The following INPP5F variants were observed in gnomAD, a reference collection of about 807,000 sequenced individuals.
INPP5F encodes the protein inositol polyphosphate-5-phosphatase F, also known as phosphatidylinositide 4-phosphatase SAC2.
Under a neutral mutation model 137.2 loss-of-function variants are expected in INPP5F, and 97 were observed. The ratio of observed to expected loss-of-function variants is 0.71; its 90% confidence interval spans 0.60 to 0.84. The LOEUF is 0.84. Ranked by LOEUF, INPP5F falls within the 40% of genes least tolerant of loss-of-function variation. The pLI, the probability that INPP5F is intolerant of heterozygous loss-of-function variation, is 0.00. For synonymous variants in INPP5F, 504 were observed against 476.9 expected (o/e 1.06, Z -0.74); for missense variants, 1,271 against 1,371.9 (o/e 0.93, Z 1.16).
At chr10:119,804,794 T>A (rs1850710496) in intron 10 of INPP5F, among the ~76,000 whole-genome samples, 1 of 151,950 alleles carries the variant, frequency 6.6e-6, no homozygotes, top group South Asian at 2.1e-4. Flanking sequence ...TGGTGTGATC[T>A]GGGCTCACTG....
At position 119,804,127 on chromosome 10, in the gene INPP5F, G is replaced by A. The variant is rs758754334; in HGVS notation, c.1117-46G>A. 4.3e-6 allele frequency: 6 copies of A among 1,399,898 alleles called. No individual in the cohort carries two copies. In the African/African-American group the frequency reaches 8.7e-5, roughly 20 times the overall value. 86.7% of individuals were successfully genotyped at this position (1,399,898 alleles called of 1,614,324 possible). A position where few individuals can be genotyped will look rare whatever the true frequency, so the allele number is the denominator to read the frequency against. ...CTAATTAAATTTTAAACCACATTGT[G>A]ATTCTAAAATCTAACTAAATTTTTT... On this transcript the variant is annotated intron_variant, in intron 9 of 19. Coordinates refer to ENST00000650623, the MANE Select transcript of INPP5F (RefSeq NM_014937.4).
chr10:119,773,009 A>G (rs1323928185), intron 2 of INPP5F, among the ~76,000 whole-genome samples: 1 of 151,994 alleles, frequency 6.6e-6, no homozygotes, highest in Non-Finnish European at 1.5e-5. Flanking sequence ...TGGCCTCCCA[A>G]AGTGCTGAGA....
intron 1 of INPP5F, among the ~76,000 whole-genome samples, chr10:119,745,387 C>T (rs1848500756): frequency 6.7e-6 from 1 of 149,242 alleles, no homozygotes; most frequent in Non-Finnish European, 1.5e-5. Context: ...TTTTCCATGA[C>T]CTTTCATGTC....
chr10:119,802,383 C>T (rs1056642010), intron 9 of INPP5F, among the ~76,000 whole-genome samples: 3 of 152,122 alleles, frequency 2.0e-5, no homozygotes, highest in Admixed American at 6.5e-5. Context: ...ATGTTGGAAC[C>T]GTCCTACCTC....
intron 2 of INPP5F, among the ~76,000 whole-genome samples, chr10:119,767,297 A>G (rs1294190062): frequency 6.6e-6 from 1 of 152,120 alleles, no homozygotes; most frequent in African/African-American, 2.4e-5. Context: ...CAACAATAGT[A>G]GTAACAATGG....
chr10:119,762,687 T>C (rs1274107087), intron 2 of INPP5F, among the ~76,000 whole-genome samples: 1 of 152,202 alleles, frequency 6.6e-6, no homozygotes, highest in East Asian at 1.9e-4. Context: ...TATGGAAATA[T>C]TAATACTATG....
intron 11 of INPP5F, 103 bp downstream of exon 11, chr10:119,805,564 T>G (rs962836146): frequency 2.5e-6 from 2 of 801,614 alleles, no homozygotes; most frequent in Admixed American, 2.3e-5. Flanking sequence ...CATTTTTTTT[T>G]GTTCGTTTTG....
At chr10:119,788,671 TAAAAG>T (rs1850013001) in intron 3 of INPP5F, among the ~76,000 whole-genome samples, 5 of 152,126 alleles carry the variant, frequency 3.3e-5, no homozygotes, top group Admixed American at 3.3e-4. Flanking sequence ...GGAATGGATT[TAAAAG>T]AAGATTCTCA....
chr10:119,798,912 T>C lies in INPP5F; in HGVS notation c.1116+302T>C, dbSNP rs144629893. Among the ~76,000 whole-genome samples, 1,089 of 151,542 alleles carry C rather than the reference T, an allele frequency of 7.2e-3. 3 individuals carry two copies. The highest frequency in any genetic ancestry group is 0.014 in the Middle Eastern group (4 of 290). On this transcript the variant is annotated intron_variant, in intron 9 of 19. Coordinates refer to ENST00000650623, the MANE Select transcript of INPP5F (RefSeq NM_014937.4). ...TCCCGAGTAGCTGGGACTGCAGGCA[T>C]GTGCCACTGTGCCCGGCAGGGTCAG...
intron 11 of INPP5F, among the ~76,000 whole-genome samples, chr10:119,805,913 A>G (rs974718258): frequency 6.6e-6 from 1 of 152,224 alleles, no homozygotes; most frequent in Non-Finnish European, 1.5e-5. Flanking sequence ...TGTTAAGACT[A>G]CACGGGTGGC....
chr10:119,792,283 A>G (rs977321540), intron 6 of INPP5F, 70 bp downstream of exon 6: 57 of 1,079,194 alleles, frequency 5.3e-5, no homozygotes, highest in Non-Finnish European at 7.4e-5. Flanking sequence ...ACGTCTGGTT[A>G]TAATTGTTAA....
At chr10:119,769,617 C>T (rs7073727) in intron 2 of INPP5F, among the ~76,000 whole-genome samples, 1,857 of 152,168 alleles carry the variant, frequency 0.012, 39 homozygotes, top group African/African-American at 0.043. Flanking sequence ...TGTTGAGGGC[C>T]GGAACAGAAG....
At chr10:119,743,338 G>C (rs138961020) in intron 1 of INPP5F, among the ~76,000 whole-genome samples, 258 of 152,266 alleles carry the variant, frequency 1.7e-3, no homozygotes, top group African/African-American at 6.0e-3. Flanking sequence ...ACAGAAGCTC[G>C]AGGAGACAAG....
At chr10:119,765,992 G>T (rs548308800) in intron 2 of INPP5F, among the ~76,000 whole-genome samples, 1 of 151,820 alleles carries the variant, frequency 6.6e-6, no homozygotes, top group Admixed American at 6.6e-5. Context: ...TGATTATGGA[G>T]GCTGCCATCT....
At chr10:119,785,302 T>TTTTTG (rs1554889600) in intron 3 of INPP5F, among the ~76,000 whole-genome samples, 1 of 147,634 alleles carries the variant, frequency 6.8e-6, no homozygotes, top group African/African-American at 2.5e-5. Context: ...TTTTTTTTTT[T>TTTTTG]GGAGACGGAG....
intron 1 of INPP5F, among the ~76,000 whole-genome samples, chr10:119,740,098 T>C (rs1439898587): frequency 6.6e-6 from 1 of 152,218 alleles, no homozygotes; most frequent in African/African-American, 2.4e-5. Flanking sequence ...CCATTAAAAT[T>C]TACACTTTCT....
chr10:119,740,754 G>C (rs1408347071), intron 1 of INPP5F, among the ~76,000 whole-genome samples: 5 of 152,112 alleles, frequency 3.3e-5, no homozygotes, highest in African/African-American at 1.2e-4. Context: ...TGTTGGCCAG[G>C]CTGGTCTCAA....
intron 2 of INPP5F, among the ~76,000 whole-genome samples, chr10:119,776,626 CA>C (rs1410639661): frequency 1.3e-5 from 2 of 151,766 alleles, no homozygotes; most frequent in Non-Finnish European, 2.9e-5. Context: ...CAGAGCAAAT[CA>C]GGGCAAGAAG....
intron 19 of INPP5F, among the ~76,000 whole-genome samples, chr10:119,825,088 C>T (rs1851708093): frequency 6.6e-6 from 1 of 152,206 alleles, no homozygotes; most frequent in African/African-American, 2.4e-5. Flanking sequence ...AAATCCATGT[C>T]AGTGCATTGC....
Sources: allele counts gnomAD v4.1 joint callset (sites outside exome capture counted in the v4.1 genomes callset), GRCh38; gene constraint gnomAD v4.1.1; transcripts MANE v1.5; gene names NCBI Gene and HGNC (gene_info 2026-07-23, HGNC 2026-07-21).